TMEM131L: variants seen among roughly 807,000 people sequenced by gnomAD.
The protein encoded by TMEM131L is transmembrane protein 131-like.
Under a neutral mutation model 192.2 loss-of-function variants are expected in TMEM131L, and 54 were observed. That is an observed-to-expected ratio of 0.28 (90% CI 0.23 to 0.35). The LOEUF (loss-of-function observed/expected upper bound fraction) is 0.35, where lower values mean the gene tolerates loss of function less well. Among genes scored for constraint, TMEM131L ranks in the 10% least tolerant of loss-of-function variants. The pLI is 1.00. For missense variants in TMEM131L, 1,888 were observed against 1,972.9 expected, an observed-to-expected ratio of 0.96 and a Z score of 0.82; for synonymous variants, 701 against 704.9, an observed-to-expected ratio of 0.99 and a Z score of 0.09.
At position 153,596,123 on chromosome 4, in the gene TMEM131L, T is replaced by G. The variant is rs570565942; in HGVS notation, c.1996-135T>G. Reference sequence around the variant, plus strand: ...GAGTGAACTCTCAGGATAAGCAAGTTCTAACAGGTTGATTAGGAGGATCAA... The same window carrying G: ...GAGTGAACTCTCAGGATAAGCAAGTGCTAACAGGTTGATTAGGAGGATCAA... On this transcript the variant is annotated intron_variant, in intron 19 of 34. Transcript: ENST00000409959. 1.4e-4 allele frequency: 137 copies of G among 1,007,768 alleles called. 1 individual carries two copies. The South Asian group carries it at 2.0e-3, about 14-fold the overall frequency. 62.4% of individuals were successfully genotyped at this position (1,007,768 alleles called of 1,614,324 possible). A position where few individuals can be genotyped will look rare whatever the true frequency, so the allele number is the denominator to read the frequency against.
chr4:153,609,302 A>G (rs1226541263), intron 25 of TMEM131L, among the ~76,000 whole-genome samples: 1 of 152,126 alleles, frequency 6.6e-6, no homozygotes, highest in Non-Finnish European at 1.5e-5. Flanking sequence ...TGAAGGGGGA[A>G]GTGCTACACA....
chr4:153,546,509 G>A (rs1024931175), intron 3 of TMEM131L, among the ~76,000 whole-genome samples: 1 of 152,162 alleles, frequency 6.6e-6, no homozygotes, highest in Admixed American at 6.5e-5. Context: ...TTATTTCTTT[G>A]AAGCGAACTT....
intron 3 of TMEM131L, 52 bp from the exon 4 acceptor site, chr4:153,550,021 G>C: frequency 1.2e-6 from 1 of 864,948 alleles, no homozygotes; most frequent in Non-Finnish European, 1.8e-6. Context: ...TTATATCTCA[G>C]CATTTAAATG....
rs1242210269 is a variant in TMEM131L at position 153,622,900 on chromosome 4, G to A, written c.3862G>A (p.Gly1288Ser). ...SLPAAQREAE[G>S]YYQKPEKKCV... The stretch of plus-strand genomic sequence containing the variant: ...ATGACTCCTTTCACTTCCTCCAGAA[G>A]GTTACTACCAGAAGCCTGAGAAGAA... Residue 1288 changes from glycine to serine, a missense_variant and splice_region_variant, in exon 29 of 35, where the codon GGT (glycine) becomes AGT (serine). Gly to Ser is a moderately conservative substitution (Grantham distance 56). Coordinates refer to ENST00000409959, the MANE Select transcript of TMEM131L (RefSeq NM_001131007.2). The A allele has an allele frequency of 2.5e-6, 4 of 1,614,176 alleles. No individual in the cohort carries two copies. Among genetic ancestry groups the A allele is most frequent in the Non-Finnish European group, 2.5e-6 (3 of 1,180,004 alleles).
At chr4:153,496,798 C>T (rs546295042) in intron 3 of TMEM131L, among the ~76,000 whole-genome samples, 33 of 150,808 alleles carry the variant, frequency 2.2e-4, no homozygotes, top group Middle Eastern at 3.5e-3. Context: ...GTGATCCACT[C>T]GCTTTGGCCT....
At chr4:153,621,155 T>C (rs1327166667) in intron 27 of TMEM131L, among the ~76,000 whole-genome samples, 1 of 152,226 alleles carries the variant, frequency 6.6e-6, no homozygotes, top group Non-Finnish European at 1.5e-5. Context: ...GCATAAGCCA[T>C]CCCTCCGTGT....
chr4:153,576,341 T>G (rs924799812), intron 7 of TMEM131L, among the ~76,000 whole-genome samples: 45 of 152,324 alleles, frequency 3.0e-4, no homozygotes, highest in African/African-American at 1.0e-3. Context: ...AAGGGCAGTT[T>G]GGAGGTGCTA....
chr4:153,622,791 T>C (rs1361877942), intron 28 of TMEM131L, 107 bp from the exon 29 acceptor site: 1 of 1,046,336 alleles, frequency 9.6e-7, no homozygotes, highest in African/African-American at 1.6e-5. Context: ...CAGAGGTAGC[T>C]GAAGGTGAAC....
At chr4:153,551,860 T>C (rs957781274) in intron 4 of TMEM131L, among the ~76,000 whole-genome samples, 1 of 152,284 alleles carries the variant, frequency 6.6e-6, no homozygotes, top group South Asian at 2.1e-4. Context: ...AAGCTGAATT[T>C]ATCATAACCT....
At position 153,534,170 on chromosome 4, in the gene TMEM131L, G is replaced by A. The variant is rs192219706; in HGVS notation, c.240-15903G>A. Among the ~76,000 whole-genome samples, 534 of 152,336 alleles carry A rather than the reference G, an allele frequency of 3.5e-3. 11 individuals carry two copies. Among genetic ancestry groups the A allele is most frequent in the Non-Finnish European group, 1.2e-3 (81 of 68,030 alleles). On this transcript the variant is annotated intron_variant, in intron 3 of 34. Transcript: ENST00000409959. ...TCACTCAACAAATGTTACCGAGTGA[G>A]TGTTCTGTAAATACAAAACAGCAAA...
In TMEM131L at chr4:153,621,948, C is replaced by T. The variant is rs1733445219; in HGVS notation, c.3859+99C>T. 3.4e-6 allele frequency: 4 copies of T among 1,161,080 alleles called. No individual in the cohort carries two copies. In the Admixed American group the frequency reaches 9.0e-5, roughly 26 times the overall value. The allele number at this position is 1,161,080 out of a possible 1,614,324, so 71.9% of individuals were successfully genotyped here. A position where few individuals can be genotyped will look rare whatever the true frequency, so the allele number is the denominator to read the frequency against. ...AGAAATGACACCTCAGTGATTTTAT[C>T]TCTACAGGCAACTTAGCTAATAACT... On this transcript the variant is annotated intron_variant, in intron 28 of 34. Coordinates refer to ENST00000409959, the MANE Select transcript of TMEM131L (RefSeq NM_001131007.2).
chr4:153,528,502 A>G (rs1580143134), intron 3 of TMEM131L, among the ~76,000 whole-genome samples: 1 of 152,238 alleles, frequency 6.6e-6, no homozygotes, highest in African/African-American at 2.4e-5. Context: ...ACAAATCACA[A>G]TAAGGTAAGA....
intron 26 of TMEM131L, among the ~76,000 whole-genome samples, chr4:153,618,476 C>CAAA (rs10669791): frequency 0.034 from 3,351 of 98,928 alleles, 197 homozygotes; most frequent in African/African-American, 0.092. Context: ...ACCCTGTCTC[C>CAAA]AAAAAAAAAA....
At chr4:153,524,733 C>T (rs1371609084) in intron 3 of TMEM131L, among the ~76,000 whole-genome samples, 1 of 152,184 alleles carries the variant, frequency 6.6e-6, no homozygotes, top group Admixed American at 6.5e-5. Flanking sequence ...GAAATTTAGA[C>T]CCTGTGGTCT....
chr4:153,600,625 G>T (rs1348596186), intron 21 of TMEM131L, among the ~76,000 whole-genome samples: 2 of 152,202 alleles, frequency 1.3e-5, no homozygotes, highest in South Asian at 2.1e-4. Context: ...AATGCTTTTA[G>T]TGAATTCTTA....
At chr4:153,591,684 A>C (rs1450509033) in intron 17 of TMEM131L, among the ~76,000 whole-genome samples, 4 of 152,342 alleles carry the variant, frequency 2.6e-5, no homozygotes, top group East Asian at 1.9e-4. Flanking sequence ...ATGTCTCATA[A>C]GTCTCATGGC....
intron 4 of TMEM131L, among the ~76,000 whole-genome samples, chr4:153,553,839 AC>A (rs1431409146): frequency 6.6e-6 from 1 of 152,234 alleles, no homozygotes; most frequent in Non-Finnish European, 1.5e-5. Flanking sequence ...TGTTAAATTA[AC>A]AGAGTATCTT....
chr4:153,565,483 C>A (rs903940751), intron 7 of TMEM131L, among the ~76,000 whole-genome samples: 1 of 152,162 alleles, frequency 6.6e-6, no homozygotes, highest in Non-Finnish European at 1.5e-5. Context: ...GAGAGTAGAG[C>A]CAGTGAATGA....
chr4:153,591,477 A>G (rs543366458), intron 17 of TMEM131L, among the ~76,000 whole-genome samples: 1 of 152,322 alleles, frequency 6.6e-6, no homozygotes, highest in East Asian at 1.9e-4. Flanking sequence ...TTTTATAACA[A>G]GAAGCTCAAA....
Sources: gnomAD v4.1 joint callset for allele counts (sites outside exome capture counted in the v4.1 genomes callset) on GRCh38, gnomAD v4.1.1 for gene constraint, MANE v1.5 for transcripts, NCBI Gene and HGNC (gene_info 2026-07-23, HGNC 2026-07-21) for gene names.